Variants in BICRA observed in about 807,000 individuals in gnomAD.
The protein encoded by BICRA is BRD4 interacting chromatin remodeling complex associated protein, also known as BRD4-interacting chromatin-remodeling complex-associated protein.
Under a neutral mutation model 96.9 loss-of-function variants are expected in BICRA, and 31 were observed. That is an observed-to-expected ratio of 0.32 (90% confidence interval 0.24 to 0.43). BICRA has a LOEUF of 0.43. Ranked by LOEUF, BICRA falls within the 20% of genes least tolerant of loss-of-function variation. BICRA has a pLI of 1.00. For synonymous variants in BICRA, 1,350 were observed against 1,071.8 expected (o/e 1.26, Z -5.07); for missense variants, 2,283 against 2,190.3 (o/e 1.04, Z -0.84).
At chr19:47,633,625 G>A (rs1972255047) in intron 1 of BICRA, among the ~76,000 whole-genome samples, 1 of 152,198 alleles carries the variant, frequency 6.6e-6, no homozygotes, top group African/African-American at 2.4e-5. Flanking sequence ...GTAGAGATGG[G>A]AAGCCAGGTT....
intron 1 of BICRA, among the ~76,000 whole-genome samples, chr19:47,657,718 T>G (rs558998109): frequency 2.0e-4 from 30 of 152,278 alleles, no homozygotes; most frequent in African/African-American, 6.7e-4. Flanking sequence ...TTTGTACAGG[T>G]GCTTTTGTGG....
chr19:47,662,724 G>C (rs1002908518), intron 1 of BICRA: 6 of 152,304 alleles, frequency 3.9e-5, no homozygotes, highest in Admixed American at 2.0e-4. Flanking sequence ...GCCAAAGCAA[G>C]TCAAGAAGCC....
At chr19:47,623,291 G>A (rs1249734923) in intron 1 of BICRA, among the ~76,000 whole-genome samples, 1 of 152,084 alleles carries the variant, frequency 6.6e-6, no homozygotes, top group Non-Finnish European at 1.5e-5. Flanking sequence ...TCCCAGTGCT[G>A]TGTTTAGAGG....
At chr19:47,696,379 T>G in intron 10 of BICRA, 72 bp from the exon 11 acceptor site, 1 of 1,401,024 alleles carries the variant, frequency 7.1e-7, no homozygotes, top group Non-Finnish European at 9.9e-7. Context: ...TATCCTAGGC[T>G]AGAGGGGAAG....
chr19:47,660,491 A>C (rs1306918363), intron 1 of BICRA, among the ~76,000 whole-genome samples: 6 of 152,140 alleles, frequency 3.9e-5, no homozygotes, highest in Admixed American at 2.6e-4. Context: ...GCCACCATTC[A>C]ACTCACTACA....
At chr19:47,665,517 T>A (rs1972765532) in intron 1 of BICRA, among the ~76,000 whole-genome samples, 1 of 152,238 alleles carries the variant, frequency 6.6e-6, no homozygotes, top group South Asian at 2.1e-4. Context: ...TTGCCCAGGC[T>A]GGAGTGCAGT....
At chr19:47,618,481 G>A (rs953286978) in intron 1 of BICRA, among the ~76,000 whole-genome samples, 1 of 152,152 alleles carries the variant, frequency 6.6e-6, no homozygotes, top group African/African-American at 2.4e-5. Context: ...TATTGTTAGT[G>A]TTGTTATTGC....
At chr19:47,649,413 G>C (rs1453113968) in intron 1 of BICRA, among the ~76,000 whole-genome samples, 1 of 152,174 alleles carries the variant, frequency 6.6e-6, no homozygotes, top group Admixed American at 6.6e-5. Flanking sequence ...AACACAATCA[G>C]AAATTCAAAC....
At chr19:47,649,203 T>C (rs1361563321) in intron 1 of BICRA, among the ~76,000 whole-genome samples, 1 of 151,784 alleles carries the variant, frequency 6.6e-6, no homozygotes, top group Non-Finnish European at 1.5e-5. Flanking sequence ...GCCAGGCTGG[T>C]CTCAAGCTCC....
At chr19:47,629,858 A>G (rs1285309994) in intron 1 of BICRA, among the ~76,000 whole-genome samples, 1 of 152,108 alleles carries the variant, frequency 6.6e-6, no homozygotes, top group African/African-American at 2.4e-5. Flanking sequence ...GGGTTTCGCC[A>G]TGTTGGCCAG....
Position 47,698,640 on chromosome 19 carries a change from G to A in BICRA, c.3255G>A (p.Leu1085=). Residue 1085 remains leucine, a synonymous_variant, in exon 12 of 15, where the codon CTG becomes CTA. Coordinates refer to ENST00000594866, the MANE Select transcript of BICRA (RefSeq NM_001394372.1). The surrounding 1 kb of genome is among the most constrained non-coding windows in gnomAD (Gnocchi z 4.8). ...TLQPSKEACF[L]EHLHKHQGSV... ...CTCCCCTTTCCACCCGCAGTTTCCT[G>A]GAGCATTTGCACAAACACCAGGGCT... 1 of 1,523,718 alleles carries A rather than the reference G, an allele frequency of 6.6e-7. No homozygotes were observed. The allele number at this position is 1,523,718 out of a possible 1,614,324, so 94.4% of individuals were successfully genotyped here.
intron 1 of BICRA, among the ~76,000 whole-genome samples, chr19:47,618,548 A>C (rs1292473741): frequency 1.3e-5 from 2 of 151,994 alleles, no homozygotes; most frequent in African/African-American, 4.8e-5. Flanking sequence ...ATTGCAGAGG[A>C]AGGGTTGATG....
intron 1 of BICRA, among the ~76,000 whole-genome samples, chr19:47,635,383 G>C (rs1230044427): frequency 2.0e-5 from 3 of 151,968 alleles, no homozygotes; most frequent in Non-Finnish European, 4.4e-5. Flanking sequence ...AAGTAGGCGG[G>C]ACTACAGGAG....
chr19:47,627,868 C>T (rs1186880679), intron 1 of BICRA, among the ~76,000 whole-genome samples: 2 of 152,224 alleles, frequency 1.3e-5, no homozygotes, highest in Non-Finnish European at 2.9e-5. Context: ...CTCCCGGGTT[C>T]AAGCGATTCT....
chr19:47,649,591 T>C (rs1263235833), intron 1 of BICRA, among the ~76,000 whole-genome samples: 1 of 152,174 alleles, frequency 6.6e-6, no homozygotes, highest in African/African-American at 2.4e-5. Flanking sequence ...AGGGAATTAG[T>C]AGAAATTGAT....
At position 47,681,108 on chromosome 19, in the gene BICRA, G is replaced by A; in HGVS notation, c.1938G>A (p.Gln646=). 2 of 1,464,496 alleles carry A rather than the reference G, an allele frequency of 1.4e-6. No individual in the cohort carries two copies. The highest frequency in any genetic ancestry group is 1.8e-6 in the Non-Finnish European group (2 of 1,100,624). The allele number at this position is 1,464,496 out of a possible 1,614,324, so 90.7% of individuals were successfully genotyped here. ...GCCTCCAGCAGCCGCAGGCGCAGCA[G>A]CCCCCGCAGGCCCCCACCCCACAGG... The part of the protein sequence containing the change: ...PLGLQQPQAQ[Q]PPQAPTPQAA... Residue 646 remains glutamine (Q), a synonymous_variant, in exon 6 of 15, where the codon CAG becomes CAA. Transcript: ENST00000594866.
rs116349032 is a variant in BICRA at position 47,624,376 on chromosome 19, G to A, written c.-108+15208G>A. ...GTTAGGTTCTAGACAGTGCAGTAAA[G>A]TGAGTATCACAATAGAGCGAGCCAC... On this transcript the variant is annotated intron_variant, in intron 1 of 14. Transcript: ENST00000594866. Among the ~76,000 whole-genome samples the A allele has an allele frequency of 9.1e-3, 1,392 of 152,238 alleles. 14 individuals carry two copies. The highest frequency in any genetic ancestry group is 0.031 in the African/African-American group (1,305 of 41,528).
chr19:47,684,870 A>C (rs886884867), intron 7 of BICRA, among the ~76,000 whole-genome samples: 7 of 152,204 alleles, frequency 4.6e-5, no homozygotes, highest in African/African-American at 1.7e-4. Context: ...TTTTGCATCT[A>C]AAATGGGAAT....
Position 47,613,761 on chromosome 19 carries a change from C to A in BICRA, c.-108+4593C>A, listed in dbSNP as rs73940901. Among the ~76,000 whole-genome samples, 1,068 of 152,056 alleles carry A rather than the reference C, an allele frequency of 7.0e-3. 21 individuals are homozygous for A. Among genetic ancestry groups the A allele is most frequent in the African/African-American group, 0.024 (996 of 41,336 alleles). Reference sequence around the variant, plus strand: ...GAGTGTCTCCTGGTTCCGTCCCTCGCATTCTCCTCTGCCTGGAGTACCACC... The same window carrying A: ...GAGTGTCTCCTGGTTCCGTCCCTCGAATTCTCCTCTGCCTGGAGTACCACC... On this transcript the variant is annotated intron_variant, in intron 1 of 14. Coordinates refer to ENST00000594866, the MANE Select transcript of BICRA (RefSeq NM_001394372.1).
Sources: gnomAD v4.1 joint callset for allele counts (sites outside exome capture counted in the v4.1 genomes callset) on GRCh38, gnomAD v4.1.1 for gene constraint, Gnocchi (gnomAD v3.1) non-coding constraint, MANE v1.5 for transcripts, NCBI Gene and HGNC (gene_info 2026-07-23, HGNC 2026-07-21) for gene names.